Variants in MACF1 observed in about 807,000 individuals in gnomAD.
The protein encoded by MACF1 is microtubule-actin cross-linking factor 1.
A neutral mutation model predicts 854.8 loss-of-function variants in MACF1; 193 were observed. The ratio of observed to expected loss-of-function variants is 0.23; its 90% CI spans 0.20 to 0.25. The LOEUF is 0.25. Ranked by LOEUF, MACF1 falls within the 10% of genes least tolerant of loss-of-function variation. The probability of loss-of-function intolerance (pLI) is 1.00; values close to 1 mark genes in which losing one functional copy is unlikely to be tolerated. For missense variants in MACF1, 7,722 were observed against 8,929.1 expected, an observed-to-expected ratio of 0.86 and a Z score of 5.45; for synonymous variants, 3,185 against 3,226.7, an observed-to-expected ratio of 0.99 and a Z score of 0.44.
intron 2 of MACF1, among the ~76,000 whole-genome samples, chr1:39,093,291 C>T (rs530026097): frequency 6.8e-5 from 10 of 146,666 alleles, no homozygotes; most frequent in Non-Finnish European, 1.2e-4. Context: ...CCAAGACATT[C>T]CCCTACTCCA....
At position 39,148,043 on chromosome 1, in the gene MACF1, T is replaced by C. The variant is rs567697474; in HGVS notation, c.220+63605T>C. Among the ~76,000 whole-genome samples, 7 of 152,332 alleles carry C rather than the reference T, an allele frequency of 4.6e-5. No individual in the cohort carries two copies. The South Asian group carries it at 1.0e-3, about 23-fold the overall frequency. Reference sequence around the variant, plus strand: ...TCTTTTGTCCCAACTCAAAACTTAATAGATTTTAATGGTGTTCCTGCTTCT... The same window carrying C: ...TCTTTTGTCCCAACTCAAAACTTAACAGATTTTAATGGTGTTCCTGCTTCT... On this transcript the variant is annotated intron_variant, in intron 2 of 93. Transcript: ENST00000361689.
chr1:39,356,861 A>T (rs1647627330), intron 44 of MACF1, among the ~76,000 whole-genome samples: 1 of 152,214 alleles, frequency 6.6e-6, no homozygotes, highest in Admixed American at 6.5e-5. Context: ...ACTTACTCTT[A>T]ATATGGGTAT....
Position 39,452,291 on chromosome 1 carries a change from G to C in MACF1, c.20554G>C (p.Asp6852His). The change falls in exon 86 of 101, where the codon GAC becomes CAC. Residue 6852 changes from aspartate (D) to histidine (H), a missense_variant. Transcript: ENST00000564288. ...GCTCCAGGAACTGAGCACTCGCTGGGACACTGTCTGTAAACTCTCTGTTTC... is the reference window on the plus strand; with the variant it reads ...GCTCCAGGAACTGAGCACTCGCTGGCACACTGTCTGTAAACTCTCTGTTTC... ...GQLQELSTRW[D>H]TVCKLSVSKQ... is the part of the protein sequence containing the mutation. The C allele has an allele frequency of 6.2e-7, 1 of 1,614,188 alleles. No individual in the cohort carries two copies. Among genetic ancestry groups the C allele is most frequent in the Non-Finnish European group, 8.5e-7 (1 of 1,180,036 alleles).
At position 39,379,226 on chromosome 1, in the gene MACF1, A is replaced by C. The variant is rs758236789; in HGVS notation, c.13300A>C (p.Met4434Leu). ...AGATCTGACGGAGATCCAGTGTGAC[A>C]TGTCAGATGTAAACTTGAAGTATGA... The part of the protein sequence containing the change: ...CKDLTEIQCD[M>L]SDVNLKYEKL... Residue 4434 changes from methionine to leucine, a missense_variant, in exon 54 of 101, where the codon ATG becomes CTG. Met to Leu is a conservative substitution (Grantham distance 15). Around this residue, in one of 15 missense-constraint regions of MACF1, gnomAD observed 2,807 missense variants for 3,235.8 expected, o/e 0.87. Transcript: ENST00000564288. The C allele has an allele frequency of 1.9e-6, 3 of 1,606,180 alleles. No individual in the cohort carries two copies. Among genetic ancestry groups the C allele is most frequent in the Non-Finnish European group, 2.6e-6 (3 of 1,176,336 alleles).
intron 4 of MACF1, among the ~76,000 whole-genome samples, chr1:39,252,203 T>C (rs894197893): frequency 5.9e-5 from 9 of 152,212 alleles, no homozygotes; most frequent in African/African-American, 2.2e-4. Context: ...AGGTGTCAAG[T>C]TCTCTTCTGA....
chr1:39,216,207 A>T (rs1644575874), intron 1 of MACF1, among the ~76,000 whole-genome samples: 1 of 152,222 alleles, frequency 6.6e-6, no homozygotes, highest in African/African-American at 2.4e-5. Context: ...ATTGTCTTTT[A>T]TTCTGAAATT....
At chr1:39,114,266 C>T (rs1642491101) in intron 2 of MACF1, among the ~76,000 whole-genome samples, 1 of 150,998 alleles carries the variant, frequency 6.6e-6, no homozygotes, top group Non-Finnish European at 1.5e-5. Flanking sequence ...AATCAGTTGG[C>T]TTCCCTGGTG....
At chr1:39,440,357 C>T (rs1259385243) in intron 72 of MACF1, among the ~76,000 whole-genome samples, 1 of 151,184 alleles carries the variant, frequency 6.6e-6, no homozygotes, top group Admixed American at 6.6e-5. Context: ...CCTCCAGCCT[C>T]GGCCTCCCAA....
At position 39,224,869 on chromosome 1, in the gene MACF1, A is replaced by G. The variant is rs561084544; in HGVS notation, c.110-6313A>G. Among the ~76,000 whole-genome samples, 11 of 152,328 alleles carry G rather than the reference A, an allele frequency of 7.2e-5. No individual in the cohort carries two copies. The East Asian group carries it at 2.1e-3, about 29-fold the overall frequency. ...GAGACCCTTGTTGACGAAGATCAGT[A>G]AAGTTGGAAACAAGTATTAAATCCT... On this transcript the variant is annotated intron_variant, in intron 1 of 100. Coordinates refer to ENST00000564288, the MANE Select transcript of MACF1 (RefSeq NM_001394062.1).
At chr1:39,227,596 A>T (rs1410509606) in intron 1 of MACF1, among the ~76,000 whole-genome samples, 2 of 152,178 alleles carry the variant, frequency 1.3e-5, no homozygotes, top group East Asian at 3.8e-4. Context: ...ATTTTTCTTA[A>T]ACACAAATCT....
intron 61 of MACF1, among the ~76,000 whole-genome samples, chr1:39,424,815 C>T (rs1254315841): frequency 6.6e-6 from 1 of 152,068 alleles, no homozygotes; most frequent in African/African-American, 2.4e-5. Context: ...TTATACAGTC[C>T]TCAGTTTTAA....
chr1:39,448,472 CA>C, intron 83 of MACF1, 121 bp from the exon 84 acceptor site: 11 of 785,246 alleles, frequency 1.4e-5, no homozygotes, highest in South Asian at 2.8e-5. Context: ...AATTTTAGTT[CA>C]AAAAAAGTGG....
chr1:39,228,155 A>G (rs1238846723), intron 1 of MACF1, among the ~76,000 whole-genome samples: 1 of 152,080 alleles, frequency 6.6e-6, no homozygotes, highest in East Asian at 1.9e-4. Flanking sequence ...TACTAAAAAT[A>G]AAAAATTAGC....
At chr1:39,403,764 A>AT (rs1557633186) in intron 58 of MACF1, among the ~76,000 whole-genome samples, 1 of 151,682 alleles carries the variant, frequency 6.6e-6, no homozygotes, top group South Asian at 2.1e-4. Context: ...AAAGATTTAG[A>AT]TTTTTTAAAT....
intron 15 of MACF1, among the ~76,000 whole-genome samples, chr1:39,290,021 C>G (rs1645744030): frequency 6.6e-6 from 1 of 151,944 alleles, no homozygotes; most frequent in South Asian, 2.1e-4. Context: ...TTTGTTGATT[C>G]ACTGTGCAGA....
chr1:39,093,994 G>T (rs1641876190), intron 2 of MACF1, among the ~76,000 whole-genome samples: 1 of 151,836 alleles, frequency 6.6e-6, no homozygotes, highest in South Asian at 2.1e-4. Context: ...GGCCAGGCTG[G>T]TCTCGAACTC....
At chr1:39,477,457 G>A (rs986586290) in intron 97 of MACF1, among the ~76,000 whole-genome samples, 2 of 151,798 alleles carry the variant, frequency 1.3e-5, no homozygotes, top group African/African-American at 2.4e-5. Flanking sequence ...ACCTGGGCTC[G>A]AGCAGTCTGC....
Position 39,412,328 on chromosome 1 carries a change from A to T in MACF1, c.15817-10046A>T, listed in dbSNP as rs748820728. On this transcript the variant is annotated intron_variant, in intron 58 of 100. Transcript: ENST00000564288. ...GATGAAATTCATTTGGAAAGTGGGA[A>T]TGTAACTGTTAATCAAGAAAATAAC... 11 of 1,614,072 alleles carry T rather than the reference A, an allele frequency of 6.8e-6. No homozygotes were observed. In the South Asian group the frequency reaches 1.2e-4, roughly 18 times the overall value.
chr1:39,474,256 G>T lies in MACF1; in HGVS notation c.21958+4641G>T, dbSNP rs993409499. Reference sequence around the variant, plus strand: ...ATAAAAAAATTAGCCGGGCATGGTGGCATGACCCTGTTGTCCCAGCTACTC... The same window carrying T: ...ATAAAAAAATTAGCCGGGCATGGTGTCATGACCCTGTTGTCCCAGCTACTC... On this transcript the variant is annotated intron_variant, in intron 97 of 100. Transcript: ENST00000564288. Among the ~76,000 whole-genome samples the T allele has an allele frequency of 2.0e-5, 3 of 152,144 alleles. No homozygotes were observed. In the South Asian group the frequency reaches 6.2e-4, roughly 32 times the overall value.
Sources: gnomAD v4.1 joint callset for allele counts (sites outside exome capture counted in the v4.1 genomes callset) on GRCh38, gnomAD v4.1.1 for gene constraint, gnomAD v4.1.1 regional missense constraint, MANE v1.5 for transcripts, NCBI Gene and HGNC (gene_info 2026-07-23, HGNC 2026-07-21) for gene names.